CRPPA: variants seen among roughly 807,000 people sequenced by gnomAD.
The protein encoded by CRPPA is CDP-L-ribitol pyrophosphorylase A, also known as D-ribitol-5-phosphate cytidylyltransferase.
A neutral mutation model predicts 52.0 loss-of-function variants in CRPPA; 43 were observed. That is an observed-to-expected ratio of 0.83 (90% CI 0.65 to 1.07). The LOEUF (loss-of-function observed/expected upper bound fraction) is 1.07, where lower values mean the gene tolerates loss of function less well. CRPPA is among the 50% of genes least tolerant of loss of function. CRPPA has a pLI of 0.00. For synonymous variants in CRPPA, 250 were observed against 203.5 expected (o/e 1.23, Z -1.94); for missense variants, 629 against 551.7 (o/e 1.14, Z -1.40).
intron 9 of CRPPA, among the ~76,000 whole-genome samples, chr7:16,179,775 C>T (rs560485652): frequency 4.6e-5 from 7 of 152,082 alleles, no homozygotes; most frequent in Admixed American, 1.3e-4. Flanking sequence ...CTGTGGCATA[C>T]GTTATTTGTG....
Position 16,337,064 on chromosome 7 carries a change from G to A in CRPPA, c.685-28437C>T, listed in dbSNP as rs529947135. ...ACCTCTATATCCCACTTTCAAAAAT[G>A]GACCGACCATTGAGAAAGAAAAAAG... is the stretch of plus-strand genomic sequence containing the variant. On this transcript the variant is annotated intron_variant, in intron 3 of 9. Transcript: ENST00000407010. Among the ~76,000 whole-genome samples the A allele has an allele frequency of 8.6e-5, 13 of 151,952 alleles. No individual in the cohort carries two copies. The South Asian group carries it at 2.7e-3, about 32-fold the overall frequency.
At chr7:16,125,480 A>T (rs147990227) in intron 9 of CRPPA, among the ~76,000 whole-genome samples, 1 of 152,242 alleles carries the variant, frequency 6.6e-6, no homozygotes, top group East Asian at 1.9e-4. Flanking sequence ...ATAGTTTAGA[A>T]GCTGACTAAA....
chr7:16,123,646 G>A (rs992221461), intron 9 of CRPPA, among the ~76,000 whole-genome samples: 1 of 152,112 alleles, frequency 6.6e-6, no homozygotes, highest in African/African-American at 2.4e-5. Context: ...CAAATTGTAT[G>A]GTGCCTAAGA....
intron 2 of CRPPA, among the ~76,000 whole-genome samples, chr7:16,387,060 T>TACATATATATATAGATACAC (rs1438340334): frequency 1.2e-5 from 1 of 82,942 alleles, no homozygotes; most frequent in African/African-American, 6.2e-5. Context: ...TATATATATA[T>TACATATATATATAGATACAC]ATATATATAT....
chr7:16,189,177 C>G (rs1296017646), intron 9 of CRPPA, among the ~76,000 whole-genome samples: 1 of 152,070 alleles, frequency 6.6e-6, no homozygotes, highest in Non-Finnish European at 1.5e-5. Flanking sequence ...TAGAATAAAT[C>G]TCAGCAAGAG....
At chr7:16,100,585 T>C (rs948905240) in intron 9 of CRPPA, among the ~76,000 whole-genome samples, 1 of 152,236 alleles carries the variant, frequency 6.6e-6, no homozygotes, top group African/African-American at 2.4e-5. Context: ...TATACAATCA[T>C]GTCATCTGCA....
chr7:16,413,297 T>C (rs1490286526), intron 1 of CRPPA, among the ~76,000 whole-genome samples: 2 of 152,194 alleles, frequency 1.3e-5, no homozygotes, highest in Non-Finnish European at 2.9e-5. Flanking sequence ...CTACCTGCCT[T>C]AGACTTACCA....
At chr7:16,368,975 A>C (rs1412634814) in intron 3 of CRPPA, among the ~76,000 whole-genome samples, 1 of 152,222 alleles carries the variant, frequency 6.6e-6, no homozygotes, top group Non-Finnish European at 1.5e-5. Context: ...ATGTGTCTAC[A>C]TATATGTATA....
At chr7:16,398,282 A>C (rs1787672372) in intron 2 of CRPPA, among the ~76,000 whole-genome samples, 1 of 151,804 alleles carries the variant, frequency 6.6e-6, no homozygotes, top group Admixed American at 6.6e-5. Flanking sequence ...ATGATTGACA[A>C]GACAAACACG....
At chr7:16,320,808 G>A (rs1340032462) in intron 3 of CRPPA, among the ~76,000 whole-genome samples, 5 of 151,950 alleles carry the variant, frequency 3.3e-5, no homozygotes, top group South Asian at 4.1e-4. Flanking sequence ...ATGTATTTTG[G>A]GATTTCATGA....
intron 1 of CRPPA, among the ~76,000 whole-genome samples, chr7:16,409,642 A>T (rs1788032722): frequency 6.6e-6 from 1 of 152,260 alleles, no homozygotes; most frequent in African/African-American, 2.4e-5. Flanking sequence ...ATATAAATTA[A>T]GCACTATGTC....
intron 2 of CRPPA, among the ~76,000 whole-genome samples, chr7:16,403,885 T>C (rs1787889227): frequency 6.6e-6 from 1 of 152,174 alleles, no homozygotes; most frequent in South Asian, 2.1e-4. Context: ...AAGTTGTAGA[T>C]AACCAATAGC....
In CRPPA at chr7:16,396,147, G is replaced by T. The variant is rs188792662; in HGVS notation, c.534+9914C>A. ...AAGACAATACTATGGTATCCAATAA[G>T]CCAGGAAAAAAACATTATCTTATCC... On this transcript the variant is annotated intron_variant, in intron 2 of 9. Coordinates refer to ENST00000407010, the MANE Select transcript of CRPPA (RefSeq NM_001101426.4). Among the ~76,000 whole-genome samples the T allele has an allele frequency of 5.3e-5, 8 of 152,148 alleles. No homozygotes were observed. In the East Asian group the frequency reaches 1.5e-3, roughly 29 times the overall value.
At position 16,181,890 on chromosome 7, in the gene CRPPA, G is replaced by C. The variant is rs951107726; in HGVS notation, c.1251+34176C>G. 5.9e-5 allele frequency among the ~76,000 whole-genome samples: 9 copies of C among 151,880 alleles called. No individual in the cohort carries two copies. In the South Asian group the frequency reaches 6.2e-4, roughly 11 times the overall value. ...GTTTCTTAAATACAATCTTTTAACA[G>C]TAAATAGGTTACAGGTTTTTAAGCT... On this transcript the variant is annotated intron_variant, in intron 9 of 9. Coordinates refer to ENST00000407010, the MANE Select transcript of CRPPA (RefSeq NM_001101426.4).
At chr7:16,406,874 A>T (rs1787965980) in intron 1 of CRPPA, among the ~76,000 whole-genome samples, 1 of 152,084 alleles carries the variant, frequency 6.6e-6, no homozygotes, top group South Asian at 2.1e-4. Flanking sequence ...AAACCGTTAT[A>T]ATTAATATTG....
intron 3 of CRPPA, among the ~76,000 whole-genome samples, chr7:16,352,524 T>C (rs117793550): frequency 6.6e-6 from 1 of 152,064 alleles, no homozygotes; most frequent in Non-Finnish European, 1.5e-5. Flanking sequence ...CATCTTTAAA[T>C]AGAGAAATGC....
At chr7:16,181,474 C>A (rs1781410951) in intron 9 of CRPPA, among the ~76,000 whole-genome samples, 1 of 151,898 alleles carries the variant, frequency 6.6e-6, no homozygotes, top group Non-Finnish European at 1.5e-5. Context: ...TTTTGTTACT[C>A]TTTACGTGAC....
At chr7:16,389,449 A>C (rs190843641) in intron 2 of CRPPA, among the ~76,000 whole-genome samples, 80 of 149,898 alleles carry the variant, frequency 5.3e-4, no homozygotes, top group Non-Finnish European at 1.9e-4. Context: ...AGATCGGTTC[A>C]ACATATCAAA....
chr7:16,314,612 T>A (rs1785104321), intron 3 of CRPPA, among the ~76,000 whole-genome samples: 1 of 152,080 alleles, frequency 6.6e-6, no homozygotes, highest in Admixed American at 6.6e-5. Context: ...TGGCAAAAAA[T>A]TTCCATTTTT....
Sources: allele counts gnomAD v4.1 joint callset (sites outside exome capture counted in the v4.1 genomes callset), GRCh38; gene constraint gnomAD v4.1.1; transcripts MANE v1.5; gene names NCBI Gene and HGNC (gene_info 2026-07-23, HGNC 2026-07-21).